C15orf40: variants seen among roughly 807,000 people sequenced by gnomAD.
The protein encoded by C15orf40 is chromosome 15 open reading frame 40.
C15orf40 carries 9 observed loss-of-function variants against 13.9 expected under a neutral mutation model. The ratio of observed to expected loss-of-function variants is 0.65; its 90% CI spans 0.39 to 1.13. C15orf40 has a LOEUF of 1.13. Ranked by LOEUF, C15orf40 falls within the 50% of genes most tolerant of loss-of-function variation. The pLI is 0.01. For missense variants in C15orf40, 225 were observed against 188.5 expected, an observed-to-expected ratio of 1.19 and a Z score of -1.13; for synonymous variants, 95 against 69.2, an observed-to-expected ratio of 1.37 and a Z score of -1.85.
chr15:82,992,298 C>T (rs1824163250), downstream of C15orf40, among the ~76,000 whole-genome samples: 1 of 151,692 alleles, frequency 6.6e-6, no homozygotes, highest in Non-Finnish European at 1.5e-5. Context: ...GGCAGATCAC[C>T]CCAGGTGAGG....
At position 82,996,243 on chromosome 15, in the gene C15orf40, T is replaced by C. The variant is rs767982369; in HGVS notation, c.*9354A>G. On this transcript the variant is annotated 3_prime_UTR_variant, in exon 4 of 4. Coordinates refer to ENST00000304177, the MANE Select transcript of C15orf40 (RefSeq NM_144597.3). ...ACTCCCTAAAGAATCTCCAGTCTCT[T>C]TGTCTGAATTAGGTAAATAAAGCTG... 6.6e-6 allele frequency: 1 copy of C among 152,234 alleles called. No homozygotes were observed. The highest frequency in any genetic ancestry group is 1.5e-5 in the Non-Finnish European group (1 of 68,038). 9.4% of individuals were successfully genotyped at this position (152,234 alleles called of 1,614,324 possible). A position where few individuals can be genotyped will look rare whatever the true frequency, so the allele number is the denominator to read the frequency against.
chr15:83,004,530 A>T lies in C15orf40; in HGVS notation c.*1067T>A. ...CTGACAAGCTTTTACAAATACTGAA[A>T]ATAGCTTCCAAGTCCTCTTTCTTCT... On this transcript the variant is annotated 3_prime_UTR_variant, in exon 4 of 4. Transcript: ENST00000304177. 1.2e-6 allele frequency: 1 copy of T among 813,488 alleles called. No homozygotes were observed. The highest frequency in any genetic ancestry group is 1.5e-6 in the Non-Finnish European group (1 of 673,392). 50.4% of individuals were successfully genotyped at this position (813,488 alleles called of 1,614,324 possible).
At position 83,004,195 on chromosome 15, in the gene C15orf40, C is replaced by T. The variant is rs1248952666; in HGVS notation, c.*1402G>A. 2 of 394,510 alleles carry T rather than the reference C, an allele frequency of 5.1e-6. No homozygotes were observed. Among genetic ancestry groups the T allele is most frequent in the Non-Finnish European group, 6.9e-6 (2 of 290,032 alleles). 24.4% of individuals were successfully genotyped at this position (394,510 alleles called of 1,614,324 possible). On this transcript the variant is annotated 3_prime_UTR_variant, in exon 4 of 4. Coordinates refer to ENST00000304177, the MANE Select transcript of C15orf40 (RefSeq NM_144597.3). ...CTCACTTCGTTGCCCAGGCTGGTCT[C>T]AAACTCCTGGGCTCAAGTGTTCCTC...
In C15orf40 at chr15:83,010,203, C is replaced by A. The variant is rs777356088; in HGVS notation, c.238+34G>T. On this transcript the variant is annotated intron_variant, in intron 2 of 3. Transcript: ENST00000304177. ...GGAGGGCTGTAGGAGACACCTGATT[C>A]ACACTTGAATCCCACCCCAGTGTCC... 13 of 1,612,976 alleles carry A rather than the reference C, an allele frequency of 8.1e-6. No individual in the cohort carries two copies. In the Middle Eastern group the frequency reaches 4.9e-4, roughly 61 times the overall value.
chr15:82,989,287 T>C (rs2030757963), downstream of C15orf40: 1 of 1,184,774 alleles, frequency 8.4e-7, no homozygotes, highest in Non-Finnish European at 1.2e-6. Flanking sequence ...CCAGTGTTTT[T>C]GGTATGGCAT....
chr15:82,990,682 C>A, downstream of C15orf40: 1 of 1,515,634 alleles, frequency 6.6e-7, no homozygotes. Context: ...GAATCATTGT[C>A]AGTTTGTGTC....
intron 3 of C15orf40, 74 bp from the exon 4 acceptor site, chr15:83,005,766 T>C: frequency 1.3e-6 from 2 of 1,516,034 alleles, no homozygotes; most frequent in Non-Finnish European, 1.8e-6. Flanking sequence ...AGACCTCCGT[T>C]GTATAATGGG....
At chr15:83,008,794 T>C (rs948731988) in intron 2 of C15orf40, 119 bp from the exon 3 acceptor site, 152 of 1,152,094 alleles carry the variant, frequency 1.3e-4, no homozygotes, top group South Asian at 3.1e-4. Flanking sequence ...TTAAAAACTG[T>C]TGAATGAAGA....
At position 83,004,878 on chromosome 15, in the gene C15orf40, T is replaced by C; in HGVS notation, c.*719A>G. On this transcript the variant is annotated 3_prime_UTR_variant, in exon 4 of 4. Coordinates refer to ENST00000304177, the MANE Select transcript of C15orf40 (RefSeq NM_144597.3). ...CGTTGTGGAGATATGATTTTTAATT[T>C]ACAATCTAGAAAAACTGCATTCAAC... 1.5e-6 allele frequency: 2 copies of C among 1,304,040 alleles called. No individual in the cohort carries two copies. The highest frequency in any genetic ancestry group is 2.0e-6 in the Non-Finnish European group (2 of 988,144). The allele number at this position is 1,304,040 out of a possible 1,614,324, so 80.8% of individuals were successfully genotyped here.
chr15:83,011,376 A>C, intron 1 of C15orf40, 121 bp downstream of exon 1: 3 of 1,169,976 alleles, frequency 2.6e-6, no homozygotes, highest in Non-Finnish European at 3.4e-6. Context: ...TGAGCCCCGG[A>C]ACTGAGAGAC....
At chr15:83,008,973 C>T (rs180886450) in intron 2 of C15orf40, among the ~76,000 whole-genome samples, 1 of 152,182 alleles carries the variant, frequency 6.6e-6, no homozygotes, top group Non-Finnish European at 1.5e-5. Flanking sequence ...TGGAAATTGC[C>T]CTTGGTATGT....
rs2030994887 is a variant in C15orf40, at chr15:82,994,980, C to T, written c.*10617G>A. On this transcript the variant is annotated 3_prime_UTR_variant, in exon 4 of 4. Transcript: ENST00000304177. ...TAATCATTCAGGATTCAGATATATC[C>T]AGATATGACATAATATCTAAACAAA... 6.6e-6 allele frequency: 1 copy of T among 152,042 alleles called. No individual in the cohort carries two copies. 9.4% of individuals were successfully genotyped at this position (152,042 alleles called of 1,614,324 possible).
chr15:82,992,552 G>C (rs1340021080), downstream of C15orf40, among the ~76,000 whole-genome samples: 2 of 150,700 alleles, frequency 1.3e-5, no homozygotes, highest in Non-Finnish European at 2.9e-5. Flanking sequence ...CATCTCCTGA[G>C]AAAGCACAGG....
In C15orf40 at chr15:83,005,256, TA is replaced by T; in HGVS notation, c.*340del. The T allele has an allele frequency of 9.8e-7, 1 of 1,015,558 alleles. No individual in the cohort carries two copies. The highest frequency in any genetic ancestry group is 1.2e-6 in the Non-Finnish European group (1 of 846,548). 62.9% of individuals were successfully genotyped at this position (1,015,558 alleles called of 1,614,324 possible). On this transcript the variant is annotated 3_prime_UTR_variant, in exon 4 of 4. Transcript: ENST00000304177. ...TTAACAGCCTCTTCACCATTAGCAA[TA>T]AAAAAGTTTCTCAAGGATGTATTTT...
chr15:82,992,018 C>T, downstream of C15orf40: 1 of 786,722 alleles, frequency 1.3e-6, no homozygotes, highest in Non-Finnish European at 1.9e-6. Context: ...GAGTTCGAGG[C>T]CAGCCTGGGC....
At chr15:82,993,466 G>T (rs1184286312), downstream of C15orf40, among the ~76,000 whole-genome samples, 2 of 152,166 alleles carry the variant, frequency 1.3e-5, no homozygotes, top group Non-Finnish European at 2.9e-5. Context: ...ATCTCATTCA[G>T]AAAATAAACA....
rs8042735 is a variant in C15orf40 at position 83,004,853 on chromosome 15, C to T, written c.*744G>A. 5.8e-3 allele frequency: 7,549 copies of T among 1,295,262 alleles called. 354 individuals carry two copies. In the African/African-American group the frequency reaches 0.1, roughly 18 times the overall value. The allele number at this position is 1,295,262 out of a possible 1,614,324, so 80.2% of individuals were successfully genotyped here. A position where few individuals can be genotyped will look rare whatever the true frequency, so the allele number is the denominator to read the frequency against. On this transcript the variant is annotated 3_prime_UTR_variant, in exon 4 of 4. Transcript: ENST00000304177. ...AAGGCAATCCCCAGAATTCCAGAAC[C>T]GTTGTGGAGATATGATTTTTAATTT...
Position 82,998,021 on chromosome 15 carries a change from C to G in C15orf40, c.*7576G>C, listed in dbSNP as rs905679504. On this transcript the variant is annotated 3_prime_UTR_variant, in exon 4 of 4. Coordinates refer to ENST00000304177, the MANE Select transcript of C15orf40 (RefSeq NM_144597.3). ...TGGCCAGGCGGGGGGCTGACCCCCC[C>G]ACCTCCCTCCCGGACGGGGCGGCTG... is the stretch of plus-strand genomic sequence containing the variant. 6.9e-6 allele frequency: 1 copy of G among 144,730 alleles called. No homozygotes were observed. The highest frequency in any genetic ancestry group is 2.6e-5 in the African/African-American group (1 of 38,192). 9.0% of individuals were successfully genotyped at this position (144,730 alleles called of 1,614,324 possible). A position where few individuals can be genotyped will look rare whatever the true frequency, so the allele number is the denominator to read the frequency against.
downstream of C15orf40, among the ~76,000 whole-genome samples, chr15:82,989,694 C>G (rs2030776408): frequency 6.6e-6 from 1 of 152,120 alleles, no homozygotes; most frequent in Non-Finnish European, 1.5e-5. Flanking sequence ...TAGTATAATA[C>G]TGGAAGAATG....
Sources: allele counts gnomAD v4.1 joint callset (sites outside exome capture counted in the v4.1 genomes callset), GRCh38; gene constraint gnomAD v4.1.1; transcripts MANE v1.5; gene names NCBI Gene and HGNC (gene_info 2026-07-23, HGNC 2026-07-21).